The following SDCBP2 variants were observed in gnomAD, a reference collection of about 807,000 sequenced individuals.
The protein encoded by SDCBP2 is syndecan binding protein 2.
SDCBP2 carries 28 observed loss-of-function variants against 30.7 expected under a neutral mutation model. That is an observed-to-expected ratio of 0.91 (90% CI 0.68 to 1.25). The LOEUF (loss-of-function observed/expected upper bound fraction) is 1.25. SDCBP2 is among the 50% of genes most tolerant of loss of function. The pLI is 0.00. For synonymous variants in SDCBP2, 166 were observed against 157.3 expected, an observed-to-expected ratio of 1.06 and a Z score of -0.41; for missense variants, 399 against 379.0, an observed-to-expected ratio of 1.05 and a Z score of -0.44.
chr20:1,327,870 G>A (rs780660915), intron 1 of SDCBP2, among the ~76,000 whole-genome samples: 14 of 152,256 alleles, frequency 9.2e-5, no homozygotes, highest in African/African-American at 1.4e-4. Context: ...TCTGAGTACT[G>A]TTCTAGGTAT....
At chr20:1,328,091 C>G (rs1274245293) in intron 1 of SDCBP2, among the ~76,000 whole-genome samples, 2 of 152,088 alleles carry the variant, frequency 1.3e-5, no homozygotes, top group African/African-American at 4.8e-5. Flanking sequence ...TGGGCACGGC[C>G]ATTGCAGAGC....
In SDCBP2 at chr20:1,313,127, C is replaced by T. The variant is rs557567928; in HGVS notation, c.384+213G>A. 1.6e-6 allele frequency: 1 copy of T among 612,416 alleles called. No individual in the cohort carries two copies. Among genetic ancestry groups the T allele is most frequent in the Non-Finnish European group, 2.9e-6 (1 of 350,558 alleles). The allele number at this position is 612,416 out of a possible 1,614,324, so 37.9% of individuals were successfully genotyped here. ...GGGAGGCTCCTCCGAGCGACGGAAG[C>T]CCACGGAGAGGCCAGTGGAGGGCCC... On this transcript the variant is annotated intron_variant, in intron 5 of 8. Transcript: ENST00000360779. The surrounding 1 kb of genome is among the most constrained non-coding windows in gnomAD (Gnocchi z 5.2).
rs2088842821 is a variant in SDCBP2 at position 1,320,912 on chromosome 20, T to C, written c.-19-477A>G. 2 of 152,648 alleles carry C rather than the reference T, an allele frequency of 1.3e-5. No individual in the cohort carries two copies. Among genetic ancestry groups the C allele is most frequent in the African/African-American group, 4.8e-5 (2 of 41,430 alleles). The allele number at this position is 152,648 out of a possible 1,614,324, so 9.5% of individuals were successfully genotyped here. A position where few individuals can be genotyped will look rare whatever the true frequency, so the allele number is the denominator to read the frequency against. On this transcript the variant is annotated intron_variant, in intron 1 of 8. Transcript: ENST00000360779. The surrounding 1 kb of genome is among the most constrained non-coding windows in gnomAD (Gnocchi z 4.7). ...ATGTTTTATTCCCTTCCTGACGAAA[T>C]GTGGGGAAGGAGCAGTCTGCCTTTC...
At position 1,322,398 on chromosome 20, in the gene SDCBP2, A is replaced by G. The variant is rs139551679; in HGVS notation, c.-19-1963T>C. The stretch of plus-strand genomic sequence containing the variant: ...AACAGGGGCTTCTCATTTGCTGTGA[A>G]GCCTCTAACCCCTAGCATGGAGGCT... On this transcript the variant is annotated intron_variant, in intron 1 of 8. Transcript: ENST00000360779. 257 of 152,298 alleles carry G rather than the reference A, an allele frequency of 1.7e-3. 1 individual carries two copies. The highest frequency in any genetic ancestry group is 5.5e-3 in the African/African-American group (230 of 41,558). 9.4% of individuals were successfully genotyped at this position (152,298 alleles called of 1,614,324 possible).
chr20:1,325,367 C>G (rs2088906220), intron 1 of SDCBP2: 1 of 152,286 alleles, frequency 6.6e-6, no homozygotes, highest in African/African-American at 2.4e-5. Context: ...ATGCGTTTCG[C>G]CCACCCAGGC....
chr20:1,310,786 G>T lies in SDCBP2; in HGVS notation c.824+14C>A, dbSNP rs201667080. On this transcript the variant is annotated intron_variant, in intron 8 of 8. Coordinates refer to ENST00000360779, the MANE Select transcript of SDCBP2 (RefSeq NM_080489.5). ...AGGAGGGGTGAGGAGGGGTGAGGAGGGGTGCAGCCTTACTTTTTGACCATG... is the reference window on the plus strand; with the variant it reads ...AGGAGGGGTGAGGAGGGGTGAGGAGTGGTGCAGCCTTACTTTTTGACCATG... 46 of 1,604,404 alleles carry T rather than the reference G, an allele frequency of 2.9e-5. No individual in the cohort carries two copies. In the East Asian group the frequency reaches 9.8e-4, roughly 34 times the overall value.
chr20:1,322,813 T>G (rs1006764836), intron 1 of SDCBP2: 2 of 152,226 alleles, frequency 1.3e-5, no homozygotes, highest in African/African-American at 4.8e-5. Flanking sequence ...TCAAGCAATT[T>G]GCCCGCTTCG....
At position 1,320,499 on chromosome 20, in the gene SDCBP2, A is replaced by C. The variant is rs1417435303; in HGVS notation, c.-19-64T>G. On this transcript the variant is annotated intron_variant, in intron 1 of 8. Transcript: ENST00000360779. The surrounding 1 kb of genome is among the most constrained non-coding windows in gnomAD (Gnocchi z 4.7). ...CTGATGCCCCCTTGAAAGGAGGCAC[A>C]GACATCCGCAACAGCAAGCGGGTTG... The C allele has an allele frequency of 7.8e-7, 1 of 1,275,326 alleles. No homozygotes were observed. The highest frequency in any genetic ancestry group is 1.1e-6 in the Non-Finnish European group (1 of 895,200). The allele number at this position is 1,275,326 out of a possible 1,614,324, so 79.0% of individuals were successfully genotyped here. A position where few individuals can be genotyped will look rare whatever the true frequency, so the allele number is the denominator to read the frequency against.
intron 6 of SDCBP2, 36 bp from the exon 7 acceptor site, chr20:1,312,544 G>A (rs1252188195): frequency 6.2e-7 from 1 of 1,613,928 alleles, no homozygotes; most frequent in East Asian, 2.2e-5. Flanking sequence ...CTGGGGACAT[G>A]GCTGGGGTGA....
intron 1 of SDCBP2, chr20:1,322,134 T>C (rs2088857987): frequency 6.6e-6 from 1 of 152,208 alleles, no homozygotes; most frequent in African/African-American, 2.4e-5. Flanking sequence ...TTCCCTCCTG[T>C]CTCTTTTGCA....
intron 1 of SDCBP2, among the ~76,000 whole-genome samples, chr20:1,327,518 C>T (rs1006339144): frequency 1.3e-5 from 2 of 152,170 alleles, no homozygotes; most frequent in Non-Finnish European, 2.9e-5. Flanking sequence ...CCAGCATGTA[C>T]CCCCACTCCT....
At position 1,320,232 on chromosome 20, in the gene SDCBP2, G is replaced by A; in HGVS notation, c.54+131C>T. 1.3e-6 allele frequency: 1 copy of A among 753,984 alleles called. No homozygotes were observed. Among genetic ancestry groups the A allele is most frequent in the Non-Finnish European group, 2.2e-6 (1 of 448,352 alleles). The allele number at this position is 753,984 out of a possible 1,614,324, so 46.7% of individuals were successfully genotyped here. On this transcript the variant is annotated intron_variant, in intron 2 of 8. Transcript: ENST00000360779. The surrounding 1 kb of genome is among the most constrained non-coding windows in gnomAD (Gnocchi z 4.7). ...CCTGGATGTCTTCTCTGCCCAGCAG[G>A]CCCTGCAGTGGACACCTACATGCCC...
rs191225096 is a variant in SDCBP2 at position 1,318,461 on chromosome 20, A to C, written c.125-43T>G. ...AAGAATAAATGTGTCATTAGAGGAC[A>C]TGTGCTTCCCTATGCCTGCCTGGCT... On this transcript the variant is annotated intron_variant, in intron 3 of 8. Transcript: ENST00000360779. 159 of 1,302,000 alleles carry C rather than the reference A, an allele frequency of 1.2e-4. 3 individuals are homozygous for C. The South Asian group carries it at 1.3e-3, about 10-fold the overall frequency. 80.7% of individuals were successfully genotyped at this position (1,302,000 alleles called of 1,614,324 possible).
At chr20:1,325,167 C>A (rs937856237) in intron 1 of SDCBP2, among the ~76,000 whole-genome samples, 1 of 152,210 alleles carries the variant, frequency 6.6e-6, no homozygotes, top group African/African-American at 2.4e-5. Flanking sequence ...TCCCTAGGGC[C>A]TGCCTCCAAC....
chr20:1,313,709 C>T lies in SDCBP2; in HGVS notation c.226-211G>A. On this transcript the variant is annotated intron_variant, in intron 4 of 8. Coordinates refer to ENST00000360779, the MANE Select transcript of SDCBP2 (RefSeq NM_080489.5). The surrounding 1 kb of genome is among the most constrained non-coding windows in gnomAD (Gnocchi z 5.2). ...GTCAAAGTCCATGCCCTTAAAAAGC[C>T]AGGAAAACGGGGAGGGAAGGGGCGA... 2.3e-6 allele frequency: 3 copies of T among 1,305,038 alleles called. No homozygotes were observed. Among genetic ancestry groups the T allele is most frequent in the Non-Finnish European group, 2.0e-6 (2 of 1,018,434 alleles). The allele number at this position is 1,305,038 out of a possible 1,614,324, so 80.8% of individuals were successfully genotyped here.
At chr20:1,323,309 G>C (rs16993358) in intron 1 of SDCBP2, 40,067 of 152,030 alleles carry the variant, frequency 0.26, 5,480 homozygotes, top group Middle Eastern at 0.35. Flanking sequence ...GGACAGTCCT[G>C]AGCAGCTATC....
At chr20:1,314,940 T>C (rs1205213317) in intron 4 of SDCBP2, among the ~76,000 whole-genome samples, 2 of 152,228 alleles carry the variant, frequency 1.3e-5, no homozygotes, top group East Asian at 1.9e-4. Flanking sequence ...CAAATTGATA[T>C]ACAGATATAA....
Position 1,313,365 on chromosome 20 carries a change from C to A in SDCBP2, c.359G>T (p.Gly120Val), listed in dbSNP as rs762838004. ...CTGGTCGACCTTCCGCAGCCTCAGCCCGGTCTTGCCGCGCTCGTCCTTGCA... is the reference window on the plus strand; with the variant it reads ...CTGGTCGACCTTCCGCAGCCTCAGCACGGTCTTGCCGCGCTCGTCCTTGCA... Reference protein sequence around the residue: ...HLCKDERGKTGLRLRKVDQGL... With the variant: ...HLCKDERGKTVLRLRKVDQGL... The change falls in exon 5 of 9, where the codon GGG becomes GTG. Residue 120 changes from glycine to valine, a missense_variant. Physicochemically the swap from Gly to Val is moderately radical, Grantham distance 109. Coordinates refer to ENST00000360779, the MANE Select transcript of SDCBP2 (RefSeq NM_080489.5). This position sits in a 1 kb window ranked among gnomAD's most constrained non-coding sequence, Gnocchi z 5.2. The A allele has an allele frequency of 7.4e-6, 12 of 1,611,702 alleles. No individual in the cohort carries two copies. The highest frequency in any genetic ancestry group is 1.0e-5 in the Non-Finnish European group (12 of 1,179,604).
intron 7 of SDCBP2, 29 bp from the exon 8 acceptor site, chr20:1,310,920 C>G (rs1258001274): frequency 2.5e-6 from 4 of 1,575,728 alleles, no homozygotes; most frequent in Non-Finnish European, 3.5e-6. Flanking sequence ...AGCGATCACC[C>G]TAAGGATTGG....
Sources: allele counts gnomAD v4.1 joint callset (sites outside exome capture counted in the v4.1 genomes callset), GRCh38; gene constraint gnomAD v4.1.1; non-coding constraint Gnocchi (gnomAD v3.1); transcripts MANE v1.5; gene names NCBI Gene and HGNC (gene_info 2026-07-23, HGNC 2026-07-21).